Variants in UBE2V1 observed in about 807,000 individuals in gnomAD.
The protein encoded by UBE2V1 is ubiquitin conjugating enzyme E2 V1, also known as ubiquitin-conjugating enzyme E2 variant 1.
A neutral mutation model predicts 19.6 loss-of-function variants in UBE2V1; 15 were observed. The ratio of observed to expected loss-of-function variants is 0.77; its 90% confidence interval spans 0.51 to 1.18. The LOEUF (loss-of-function observed/expected upper bound fraction) is 1.18. Among genes scored for constraint, UBE2V1 ranks in the 50% most tolerant of loss-of-function variants. The pLI is 0.00. For missense variants in UBE2V1, 125 were observed against 184.8 expected (o/e 0.68, Z 1.88); for synonymous variants, 60 against 60.7 (o/e 0.99, Z 0.05).
Position 50,091,427 on chromosome 20 carries a change from T to TA in UBE2V1, c.171+5244_171+5245insT, listed in dbSNP as rs1432539531. Among the ~76,000 whole-genome samples the TA allele has an allele frequency of 2.0e-5, 3 of 150,676 alleles. No individual in the cohort carries two copies. In the East Asian group the frequency reaches 5.8e-4, roughly 29 times the overall value. ...ACTTAAGGCTTTTTTTTTTTTTTTT[T>TA]TGAGATGGAGTCTCGCTCTTGTTGC... On this transcript the variant is annotated intron_variant, in intron 2 of 3. Coordinates refer to ENST00000371674, the MANE Select transcript of UBE2V1 (RefSeq NM_001032288.3).
intron 1 of UBE2V1, among the ~76,000 whole-genome samples, chr20:50,107,809 G>T (rs536965747): frequency 1.3e-5 from 2 of 152,196 alleles, no homozygotes; most frequent in Non-Finnish European, 2.9e-5. Flanking sequence ...TCTTGCCCTA[G>T]TGAAAAGGCA....
intron 3 of UBE2V1, 182 bp downstream of exon 3, chr20:50,083,932 AAGTGCTATATGAGTG>A: frequency 1.4e-6 from 1 of 700,808 alleles, no homozygotes; most frequent in Non-Finnish European, 2.1e-6. Context: ...AGCCCAGGGT[AAGTGCTATATGAGTG>A]ATCGCCAGAT....
chr20:50,111,448 G>C, intron 1 of UBE2V1: 2 of 1,000,310 alleles, frequency 2.0e-6, no homozygotes, highest in Non-Finnish European at 2.4e-6. Context: ...CGACCCGGTA[G>C]GAGTGTTATT....
At position 50,083,842 on chromosome 20, in the gene UBE2V1, G is replaced by A. The variant is rs2078754893; in HGVS notation, c.297+287C>T. On this transcript the variant is annotated intron_variant, in intron 3 of 3. Transcript: ENST00000371674. ...GCCCTGGGAAAGATCTTCCACGTCT[G>A]TGCCTCAGTTTCCTCATCTCTACCT... 9 of 229,600 alleles carry A rather than the reference G, an allele frequency of 3.9e-5. No homozygotes were observed. The East Asian group carries it at 8.0e-4, about 20-fold the overall frequency. The allele number at this position is 229,600 out of a possible 1,614,324, so 14.2% of individuals were successfully genotyped here. A position where few individuals can be genotyped will look rare whatever the true frequency, so the allele number is the denominator to read the frequency against.
intron 1 of UBE2V1, among the ~76,000 whole-genome samples, chr20:50,098,169 G>C (rs952506323): frequency 6.6e-6 from 1 of 152,186 alleles, no homozygotes; most frequent in African/African-American, 2.4e-5. Context: ...ACCTAAAGAA[G>C]GTGAGAGGGC....
intron 1 of UBE2V1, chr20:50,111,696 T>C (rs2080763559): frequency 4.9e-6 from 3 of 609,198 alleles, no homozygotes; most frequent in South Asian, 1.5e-4. Context: ...TTTCTTTTAT[T>C]CCCACCCCAA....
At chr20:50,101,456 T>A (rs2079985494) in intron 1 of UBE2V1, among the ~76,000 whole-genome samples, 1 of 148,024 alleles carries the variant, frequency 6.8e-6, no homozygotes, top group African/African-American at 2.5e-5. Context: ...CTCGCTCTTG[T>A]TCCCTAGGCT....
chr20:50,113,687 G>A (rs569524575), upstream of UBE2V1, among the ~76,000 whole-genome samples: 33 of 152,332 alleles, frequency 2.2e-4, 2 homozygotes, highest in African/African-American at 7.7e-4. Context: ...TCCCCGGCCA[G>A]AGAAGGCTTG....
At chr20:50,105,670 C>A (rs1404325055) in intron 1 of UBE2V1, among the ~76,000 whole-genome samples, 1 of 152,308 alleles carries the variant, frequency 6.6e-6, no homozygotes, top group East Asian at 1.9e-4. Context: ...TCTTACAGGC[C>A]AGGCGCAGTG....
chr20:50,082,700 T>G lies in UBE2V1; in HGVS notation c.*68A>C. 6.3e-7 allele frequency: 1 copy of G among 1,575,340 alleles called. No individual in the cohort carries two copies. Among genetic ancestry groups the G allele is most frequent in the Non-Finnish European group, 8.6e-7 (1 of 1,169,334 alleles). On this transcript the variant is annotated 3_prime_UTR_variant, in exon 4 of 4. Transcript: ENST00000371674. ...AAGACGTATCTAGAAAATTTACTAC[T>G]GTGGAAAATGAAGACTGATTAAATC...
chr20:50,110,449 C>A (rs548605504), intron 1 of UBE2V1, among the ~76,000 whole-genome samples: 7 of 152,338 alleles, frequency 4.6e-5, no homozygotes, highest in Admixed American at 6.5e-5. Flanking sequence ...CAACCGGAGG[C>A]ACAGATTAAT....
intron 1 of UBE2V1, among the ~76,000 whole-genome samples, chr20:50,103,707 G>C (rs1014249691): frequency 6.6e-6 from 1 of 151,814 alleles, no homozygotes; most frequent in Non-Finnish European, 1.5e-5. Flanking sequence ...CACCCGGCCT[G>C]ACTATAATAA....
chr20:50,096,865 G>A (rs772286526), intron 1 of UBE2V1, 45 bp from the exon 2 acceptor site: 2 of 1,611,352 alleles, frequency 1.2e-6, no homozygotes, highest in East Asian at 2.2e-5. Flanking sequence ...AACTCCAGGG[G>A]AACTTGTAAG....
At chr20:50,114,669 AC>A (rs1339627218), upstream of UBE2V1, among the ~76,000 whole-genome samples, 1 of 152,172 alleles carries the variant, frequency 6.6e-6, no homozygotes, top group Non-Finnish European at 1.5e-5. Flanking sequence ...CAGGCTCTGC[AC>A]CCAGGGCAGG....
chr20:50,101,766 T>C (rs1392450112), intron 1 of UBE2V1, among the ~76,000 whole-genome samples: 1 of 152,046 alleles, frequency 6.6e-6, no homozygotes, highest in African/African-American at 2.4e-5. Context: ...CTAGGGGCTA[T>C]GAACAAAATA....
intron 1 of UBE2V1, chr20:50,109,117 G>T (rs942794693): frequency 8.1e-6 from 8 of 985,432 alleles, no homozygotes; most frequent in Non-Finnish European, 9.6e-6. Flanking sequence ...CCAGGCTGTG[G>T]AGAGTTAGAT....
rs969926367 is a variant in UBE2V1, at chr20:50,081,174, T to A, written c.*1594A>T. The stretch of plus-strand genomic sequence containing the variant: ...TTATTATATTAAAATCAGGCAATGG[T>A]CTGACAATAAAAAGGCTGCTTATGG... On this transcript the variant is annotated 3_prime_UTR_variant, in exon 4 of 4. Coordinates refer to ENST00000371674, the MANE Select transcript of UBE2V1 (RefSeq NM_001032288.3). 9 of 152,112 alleles carry A rather than the reference T, an allele frequency of 5.9e-5. No individual in the cohort carries two copies. Among genetic ancestry groups the A allele is most frequent in the East Asian group, 1.9e-4 (1 of 5,174 alleles). 9.4% of individuals were successfully genotyped at this position (152,112 alleles called of 1,614,324 possible).
chr20:50,113,505 C>T (rs1276737041), upstream of UBE2V1, among the ~76,000 whole-genome samples: 1 of 152,200 alleles, frequency 6.6e-6, no homozygotes, highest in Non-Finnish European at 1.5e-5. Context: ...TAGATCCTCA[C>T]CACATCTCCG....
At chr20:50,115,262 T>C (rs534777423), upstream of UBE2V1, among the ~76,000 whole-genome samples, 1 of 152,290 alleles carries the variant, frequency 6.6e-6, no homozygotes, top group East Asian at 1.9e-4. Flanking sequence ...TCCAGCACCA[T>C]CCCCTCAGGG....
Sources: allele counts gnomAD v4.1 joint callset (sites outside exome capture counted in the v4.1 genomes callset), GRCh38; gene constraint gnomAD v4.1.1; transcripts MANE v1.5; gene names NCBI Gene and HGNC (gene_info 2026-07-23, HGNC 2026-07-21).